GRM8: variants seen among roughly 807,000 people sequenced by gnomAD.
GRM8 encodes the protein metabotropic glutamate receptor 8.
A neutral mutation model predicts 87.2 loss-of-function variants in GRM8; 47 were observed. The observed-to-expected ratio is 0.54, with a 90% CI of 0.43 to 0.69. The LOEUF is 0.69. Among genes scored for constraint, GRM8 ranks in the 30% least tolerant of loss-of-function variants. GRM8 has a pLI of 0.00. For synonymous variants in GRM8, 396 were observed against 404.5 expected (o/e 0.98, Z 0.25); for missense variants, 1,019 against 1,139.2 (o/e 0.89, Z 1.52).
chr7:127,216,758 T>C (rs1796581079), intron 2 of GRM8, among the ~76,000 whole-genome samples: 1 of 152,180 alleles, frequency 6.6e-6, no homozygotes, highest in Admixed American at 6.5e-5. Flanking sequence ...CATACTAGCT[T>C]CCTTCTGCTC....
intron 2 of GRM8, among the ~76,000 whole-genome samples, chr7:127,241,203 C>A (rs1392662920): frequency 1.3e-5 from 2 of 152,194 alleles, no homozygotes; most frequent in Non-Finnish European, 2.9e-5. Context: ...ACAGAGGCTG[C>A]ACAGCCACTC....
chr7:126,998,604 A>G (rs539533148), intron 3 of GRM8, among the ~76,000 whole-genome samples: 1 of 151,942 alleles, frequency 6.6e-6, no homozygotes, highest in Non-Finnish European at 1.5e-5. Flanking sequence ...TATAAATAGT[A>G]GCATTTGTGT....
chr7:126,705,914 G>A (rs910447784), intron 7 of GRM8, among the ~76,000 whole-genome samples: 3 of 151,990 alleles, frequency 2.0e-5, no homozygotes, highest in Non-Finnish European at 4.4e-5. Context: ...TATTTATTAT[G>A]TTATGGGCTG....
chr7:126,517,372 A>T (rs1321905165), intron 9 of GRM8, among the ~76,000 whole-genome samples: 1 of 152,074 alleles, frequency 6.6e-6, no homozygotes, highest in African/African-American at 2.4e-5. Flanking sequence ...TCAATACTCA[A>T]ACCAATCCTG....
rs1184701726 is a variant in GRM8 at position 126,685,989 on chromosome 7, A to C, written c.1358-76491T>G. Among the ~76,000 whole-genome samples, 1 of 150,946 alleles carries C rather than the reference A, an allele frequency of 6.6e-6. No homozygotes were observed. The highest frequency in any genetic ancestry group is 1.5e-5 in the Non-Finnish European group (1 of 67,816). ...TTCCTCCCCTCTGAGGCCCATAAAA[A>C]CCCCCAGACTCAGCCAGACTCAAGC... On this transcript the variant is annotated intron_variant, in intron 7 of 10. Coordinates refer to ENST00000339582, the MANE Select transcript of GRM8 (RefSeq NM_000845.3). This position sits in a 1 kb window ranked among gnomAD's most constrained non-coding sequence, Gnocchi z 4.2.
At chr7:127,165,702 C>G (rs751888578) in intron 2 of GRM8, among the ~76,000 whole-genome samples, 17 of 152,164 alleles carry the variant, frequency 1.1e-4, no homozygotes, top group Non-Finnish European at 2.4e-4. Context: ...TGCCCACAGC[C>G]TGCCTTACAC....
At chr7:126,670,426 G>C (rs7805288) in intron 7 of GRM8, among the ~76,000 whole-genome samples, 28,106 of 152,016 alleles carry the variant, frequency 0.18, 2,688 homozygotes, top group African/African-American at 0.2. Flanking sequence ...TAAGGTCTAA[G>C]TATATGCCAT....
intron 10 of GRM8, among the ~76,000 whole-genome samples, chr7:126,440,822 C>G (rs897259429): frequency 1.3e-5 from 2 of 151,962 alleles, no homozygotes; most frequent in African/African-American, 4.8e-5. Context: ...TGTCATCAAG[C>G]AATCCATGAC....
intron 6 of GRM8, among the ~76,000 whole-genome samples, chr7:126,878,864 T>C (rs1165182776): frequency 4.0e-5 from 6 of 151,768 alleles, no homozygotes; most frequent in Non-Finnish European, 7.4e-5. Context: ...CTTTTTATTG[T>C]TTAAAAAACA....
intron 2 of GRM8, among the ~76,000 whole-genome samples, chr7:127,123,459 T>C (rs1295015374): frequency 6.6e-6 from 1 of 152,070 alleles, no homozygotes; most frequent in Non-Finnish European, 1.5e-5. Context: ...GCACCTTCCC[T>C]CTGTCTCACA....
chr7:127,200,156 C>T (rs542473045), intron 2 of GRM8, among the ~76,000 whole-genome samples: 1 of 152,258 alleles, frequency 6.6e-6, no homozygotes, highest in Non-Finnish European at 1.5e-5. Flanking sequence ...TTTCCTCAGG[C>T]TCATCCCCAC....
chr7:126,833,361 T>G (rs936806870), intron 6 of GRM8, among the ~76,000 whole-genome samples: 1 of 152,228 alleles, frequency 6.6e-6, no homozygotes, highest in Non-Finnish European at 1.5e-5. Context: ...AAGAATAAAG[T>G]TAACTCCAGC....
intron 8 of GRM8, among the ~76,000 whole-genome samples, chr7:126,566,328 CA>C (rs1045041169): frequency 2.6e-5 from 4 of 151,932 alleles, no homozygotes; most frequent in Non-Finnish European, 2.9e-5. Flanking sequence ...AACTCAATAG[CA>C]AAAAAACTAA....
chr7:127,005,719 C>G (rs1352414101), intron 3 of GRM8, among the ~76,000 whole-genome samples: 1 of 151,872 alleles, frequency 6.6e-6, no homozygotes, highest in Non-Finnish European at 1.5e-5. Flanking sequence ...TCCTTATCCT[C>G]TTTTTCTCCT....
intron 2 of GRM8, among the ~76,000 whole-genome samples, chr7:127,187,413 T>G: frequency 1.1e-5 from 1 of 94,384 alleles, no homozygotes; most frequent in South Asian, 2.9e-4. Context: ...GCAGGAGTGG[T>G]TTTTTAACAT....
At chr7:126,945,170 TGCA>T (rs1219159186) in intron 3 of GRM8, among the ~76,000 whole-genome samples, 1 of 152,166 alleles carries the variant, frequency 6.6e-6, no homozygotes, top group East Asian at 1.9e-4. Context: ...GAATGTCCCC[TGCA>T]GAAATATTCA....
intron 3 of GRM8, among the ~76,000 whole-genome samples, chr7:126,975,451 C>T (rs528491251): frequency 8.5e-5 from 13 of 152,252 alleles, no homozygotes; most frequent in African/African-American, 2.9e-4. Context: ...TTCTATTTTC[C>T]GTCTTGAGTT....
rs1811868813 is a variant in GRM8, at chr7:126,717,321, G to T, written c.1357+52544C>A. On this transcript the variant is annotated intron_variant, in intron 7 of 10. Transcript: ENST00000339582. Reference sequence around the variant, plus strand: ...TGGTGTGACTGACAGGAAGGTCGAGGCTTGTGGGGTGGAGGGTGAAATAAG... The same window carrying T: ...TGGTGTGACTGACAGGAAGGTCGAGTCTTGTGGGGTGGAGGGTGAAATAAG... Among the ~76,000 whole-genome samples the T allele has an allele frequency of 4.6e-5, 7 of 152,160 alleles. No individual in the cohort carries two copies. In the South Asian group the frequency reaches 1.5e-3, roughly 32 times the overall value.
intron 3 of GRM8, among the ~76,000 whole-genome samples, chr7:127,030,604 A>G (rs1817271410): frequency 6.6e-6 from 1 of 152,120 alleles, no homozygotes; most frequent in Non-Finnish European, 1.5e-5. Context: ...TGTCTGACAC[A>G]TAATAGTACT....
Sources: gnomAD v4.1 joint callset for allele counts (sites outside exome capture counted in the v4.1 genomes callset) on GRCh38, gnomAD v4.1.1 for gene constraint, Gnocchi (gnomAD v3.1) non-coding constraint, MANE v1.5 for transcripts, NCBI Gene and HGNC (gene_info 2026-07-23, HGNC 2026-07-21) for gene names.